Variants in PRKCH observed in about 807,000 individuals in gnomAD.
PRKCH encodes the protein protein kinase C eta, also known as protein kinase C eta type.
In PRKCH, 28 loss-of-function variants were observed where a neutral mutation model predicts 82.5. That is an observed-to-expected ratio of 0.34 (90% CI 0.25 to 0.47). The LOEUF (loss-of-function observed/expected upper bound fraction) is 0.47, where lower values mean the gene tolerates loss of function less well. Among genes scored for constraint, PRKCH ranks in the 20% least tolerant of loss-of-function variants. The pLI is 1.00. For missense variants in PRKCH, 705 were observed against 881.8 expected, an observed-to-expected ratio of 0.80 and a Z score of 2.54; for synonymous variants, 322 against 327.4, an observed-to-expected ratio of 0.98 and a Z score of 0.18.
At chr14:61,475,741 T>C (rs1320926676) in intron 9 of PRKCH, among the ~76,000 whole-genome samples, 1 of 152,250 alleles carries the variant, frequency 6.6e-6, no homozygotes, top group African/African-American at 2.4e-5. Flanking sequence ...GTATGTTTTT[T>C]ACTTTTTCCT....
At chr14:61,497,903 T>A (rs905577814) in intron 10 of PRKCH, among the ~76,000 whole-genome samples, 4 of 152,160 alleles carry the variant, frequency 2.6e-5, no homozygotes, top group African/African-American at 9.7e-5. Context: ...CACCAGCACA[T>A]CAACAGTTGT....
At position 61,429,930 on chromosome 14, in the gene PRKCH, A is replaced by G. The variant is rs1007502323; in HGVS notation, c.428-13181A>G. Among the ~76,000 whole-genome samples, 90 of 152,206 alleles carry G rather than the reference A, an allele frequency of 5.9e-4. 1 individual carries two copies. The highest frequency in any genetic ancestry group is 5.4e-3 in the Admixed American group (83 of 15,282). ...AGTCTCTCTACCCCGCTGTCTTCCA[A>G]TATGTATGCAGAAAAAGTAAACATG... On this transcript the variant is annotated intron_variant, in intron 2 of 13. Transcript: ENST00000332981.
rs888660996 is a variant in PRKCH, at chr14:61,547,944, C to G, written c.1905+58C>G. 3.8e-6 allele frequency: 6 copies of G among 1,583,828 alleles called. No individual in the cohort carries two copies. In the African/African-American group the frequency reaches 8.1e-5, roughly 21 times the overall value. On this transcript the variant is annotated intron_variant, in intron 13 of 13. Coordinates refer to ENST00000332981, the MANE Select transcript of PRKCH (RefSeq NM_006255.5). ...TTTCTTCAGATGTCACAGCATTCCA[C>G]CAAAGTCCGTAGAAGAGCTGGATGG... is the stretch of plus-strand genomic sequence containing the variant.
intron 2 of PRKCH, among the ~76,000 whole-genome samples, chr14:61,412,557 G>C (rs924035195): frequency 6.6e-6 from 1 of 152,132 alleles, no homozygotes; most frequent in Non-Finnish European, 1.5e-5. Flanking sequence ...ATGCCCAGGG[G>C]TCACTTGACC....
intron 1 of PRKCH, among the ~76,000 whole-genome samples, chr14:61,276,676 C>A (rs1341503106): frequency 3.1e-5 from 4 of 127,776 alleles, no homozygotes; most frequent in Non-Finnish European, 5.0e-5. Context: ...TTTTTGATTA[C>A]GTGTATGCCC....
intron 1 of PRKCH, among the ~76,000 whole-genome samples, chr14:61,217,768 C>G (rs2044625646): frequency 6.6e-6 from 1 of 152,178 alleles, no homozygotes; most frequent in Non-Finnish European, 1.5e-5. Context: ...CAGATGTGCA[C>G]TCAGTATCCA....
rs540900143 is a variant in PRKCH, at chr14:61,340,101, A to G, written c.363+17637A>G. On this transcript the variant is annotated intron_variant, in intron 1 of 13. Coordinates refer to ENST00000332981, the MANE Select transcript of PRKCH (RefSeq NM_006255.5). ...GCACAGTGTTTTCCTTTCCCTTCTC[A>G]GCCTCTTCCCTGACAGCTGTCTGCA... Among the ~76,000 whole-genome samples, 8 of 96,524 alleles carry G rather than the reference A, an allele frequency of 8.3e-5. No individual in the cohort carries two copies. The East Asian group carries it at 2.3e-3, about 27-fold the overall frequency. The allele number at this position is 96,524 out of a possible 152,430, so 63.3% of individuals were successfully genotyped here. A position where few individuals can be genotyped will look rare whatever the true frequency, so the allele number is the denominator to read the frequency against.
upstream of PRKCH, among the ~76,000 whole-genome samples, chr14:61,318,679 A>G (rs2045583519): frequency 6.6e-6 from 1 of 151,950 alleles, no homozygotes; most frequent in Non-Finnish European, 1.5e-5. Context: ...CTTCATCTCC[A>G]TCACTACCAC....
intron 2 of PRKCH, among the ~76,000 whole-genome samples, chr14:61,410,881 C>A (rs543520034): frequency 2.0e-5 from 3 of 152,118 alleles, no homozygotes; most frequent in African/African-American, 7.2e-5. Context: ...CCAAACCGTG[C>A]GAATGGCTGT....
At chr14:61,406,939 T>G (rs1254354058) in intron 2 of PRKCH, among the ~76,000 whole-genome samples, 1 of 152,018 alleles carries the variant, frequency 6.6e-6, no homozygotes, top group African/African-American at 2.4e-5. Context: ...GGGTTTGCTG[T>G]GATTGGAGTA....
intron 1 of PRKCH, chr14:61,306,150 A>T (rs962343251): frequency 6.6e-6 from 1 of 152,214 alleles, no homozygotes; most frequent in Admixed American, 6.5e-5. Context: ...TAGAATTTCA[A>T]TTGAATGGAT....
intron 1 of PRKCH, among the ~76,000 whole-genome samples, chr14:61,264,607 T>A (rs1002454336): frequency 6.6e-6 from 1 of 152,158 alleles, no homozygotes; most frequent in Non-Finnish European, 1.5e-5. Flanking sequence ...CAAATCAATA[T>A]TAGCCAAATT....
At chr14:61,198,475 C>T (rs1594847881) in intron 1 of PRKCH, among the ~76,000 whole-genome samples, 1 of 152,160 alleles carries the variant, frequency 6.6e-6, no homozygotes, top group East Asian at 1.9e-4. Flanking sequence ...TTCCCTATGT[C>T]CCCTAAGTGG....
chr14:61,249,831 GGCT>G (rs1469109787), intron 1 of PRKCH, among the ~76,000 whole-genome samples: 2 of 151,474 alleles, frequency 1.3e-5, no homozygotes, highest in African/African-American at 4.9e-5. Flanking sequence ...ATGTTGGTCA[GGCT>G]GGTCTCAAAC....
intron 9 of PRKCH, among the ~76,000 whole-genome samples, chr14:61,482,320 G>A (rs1166475762): frequency 6.6e-6 from 1 of 152,122 alleles, no homozygotes; most frequent in Non-Finnish European, 1.5e-5. Flanking sequence ...CTAAACACTA[G>A]AGATTTTTTG....
intron 1 of PRKCH, among the ~76,000 whole-genome samples, chr14:61,285,074 T>G (rs533696778): frequency 6.6e-6 from 1 of 152,348 alleles, no homozygotes; most frequent in South Asian, 2.1e-4. Context: ...CCATCTTTTC[T>G]GCATATAACC....
intron 9 of PRKCH, among the ~76,000 whole-genome samples, chr14:61,475,509 T>C (rs1885692198): frequency 6.6e-6 from 1 of 152,194 alleles, no homozygotes; most frequent in South Asian, 2.1e-4. Context: ...TCATCTCCAC[T>C]GAGAGATGCC....
At chr14:61,381,763 C>A (rs1437352415) in intron 1 of PRKCH, among the ~76,000 whole-genome samples, 1 of 152,246 alleles carries the variant, frequency 6.6e-6, no homozygotes, top group South Asian at 2.1e-4. Context: ...CCCTCAGGTG[C>A]TAGTGGCACG....
intron 1 of PRKCH, among the ~76,000 whole-genome samples, chr14:61,283,984 A>G (rs922790859): frequency 6.6e-6 from 1 of 152,186 alleles, no homozygotes; most frequent in Non-Finnish European, 1.5e-5. Flanking sequence ...TAGATGTCAG[A>G]GAAGTGTGTA....
Sources: allele counts gnomAD v4.1 joint callset (sites outside exome capture counted in the v4.1 genomes callset), GRCh38; gene constraint gnomAD v4.1.1; transcripts MANE v1.5; gene names NCBI Gene and HGNC (gene_info 2026-07-23, HGNC 2026-07-21).